The following SLC8A1 variants were observed in gnomAD, a reference collection of about 807,000 sequenced individuals.
SLC8A1 encodes solute carrier family 8 member A1.
Under a neutral mutation model 68.3 loss-of-function variants are expected in SLC8A1, and 18 were observed. The observed-to-expected ratio is 0.26, with a 90% CI of 0.18 to 0.39. The LOEUF (loss-of-function observed/expected upper bound fraction) is 0.39, where lower values mean the gene tolerates loss of function less well. Ranked by LOEUF, SLC8A1 falls within the 10% of genes least tolerant of loss-of-function variation. SLC8A1 has a pLI of 1.00. For synonymous variants in SLC8A1, 475 were observed against 415.5 expected, an observed-to-expected ratio of 1.14 and a Z score of -1.74; for missense variants, 985 against 1,156.7, an observed-to-expected ratio of 0.85 and a Z score of 2.15.
At chr2:40,262,777 A>G (rs2064875625) in intron 2 of SLC8A1, among the ~76,000 whole-genome samples, 1 of 152,202 alleles carries the variant, frequency 6.6e-6, no homozygotes, top group Non-Finnish European at 1.5e-5. Context: ...TAGCAATTCT[A>G]GGCCAGCTTG....
intron 3 of SLC8A1, among the ~76,000 whole-genome samples, 161 bp from the exon 5 acceptor site, chr2:40,175,003 C>T (rs1040684378): frequency 6.6e-6 from 1 of 152,064 alleles, no homozygotes; most frequent in East Asian, 1.9e-4. Flanking sequence ...ACTAATCGTT[C>T]TTTTAAGATT....
intron 1 of SLC8A1, among the ~76,000 whole-genome samples, chr2:40,448,132 C>T (rs1245488146): frequency 6.7e-6 from 1 of 149,718 alleles, no homozygotes; most frequent in Non-Finnish European, 1.5e-5. Flanking sequence ...GAAAATACAT[C>T]AGAAAATGGA....
chr2:40,143,895 A>C (rs865996832), intron 6 of SLC8A1, among the ~76,000 whole-genome samples: 1 of 152,190 alleles, frequency 6.6e-6, no homozygotes, highest in Non-Finnish European at 1.5e-5. Flanking sequence ...GTGGGTCAGA[A>C]GACTTAAGCC....
At chr2:40,331,326 T>C (rs928505108) in intron 2 of SLC8A1, among the ~76,000 whole-genome samples, 1 of 152,216 alleles carries the variant, frequency 6.6e-6, no homozygotes, top group African/African-American at 2.4e-5. Context: ...AACTTCATTT[T>C]CTACAGAATA....
At chr2:40,300,690 C>A (rs555354566) in intron 2 of SLC8A1, among the ~76,000 whole-genome samples, 2 of 152,072 alleles carry the variant, frequency 1.3e-5, no homozygotes, top group Non-Finnish European at 2.9e-5. Flanking sequence ...AGAAACCTAG[C>A]CCTTCTGGCC....
chr2:40,174,680 A>T, intron 4 of SLC8A1, 26 bp downstream of exon 6: 1 of 1,481,544 alleles, frequency 6.7e-7, no homozygotes, highest in Non-Finnish European at 9.3e-7. Context: ...GGGAAAAATA[A>T]GGAACATTAA....
intron 2 of SLC8A1, among the ~76,000 whole-genome samples, chr2:40,291,147 T>C (rs2069232419): frequency 6.6e-6 from 1 of 152,202 alleles, no homozygotes; most frequent in Admixed American, 6.5e-5. Context: ...CTTATCACAA[T>C]CTTTCTAAGA....
chr2:40,495,141 C>T (rs1482510948), intron 1 of SLC8A1, among the ~76,000 whole-genome samples: 1 of 151,900 alleles, frequency 6.6e-6, no homozygotes, highest in Non-Finnish European at 1.5e-5. Context: ...AAAGATGTCT[C>T]AGTTGATGCA....
At chr2:40,365,486 C>A (rs1425703957) in intron 2 of SLC8A1, among the ~76,000 whole-genome samples, 1 of 152,064 alleles carries the variant, frequency 6.6e-6, no homozygotes, top group Non-Finnish European at 1.5e-5. Flanking sequence ...ACCTAACAAT[C>A]TATACCTTCT....
At chr2:40,464,710 G>C (rs982083131) in intron 1 of SLC8A1, among the ~76,000 whole-genome samples, 2 of 152,148 alleles carry the variant, frequency 1.3e-5, no homozygotes, top group Non-Finnish European at 2.9e-5. Context: ...CATTGGAACT[G>C]CAGACCTGCC....
At chr2:40,440,526 G>T (rs1268705088) in intron 1 of SLC8A1, among the ~76,000 whole-genome samples, 1 of 152,004 alleles carries the variant, frequency 6.6e-6, no homozygotes, top group East Asian at 1.9e-4. Context: ...AAAGTGCGAG[G>T]CACTGGGGCT....
chr2:40,359,043 G>A (rs1239850143), intron 2 of SLC8A1, among the ~76,000 whole-genome samples: 1 of 152,072 alleles, frequency 6.6e-6, no homozygotes, highest in Non-Finnish European at 1.5e-5. Context: ...GGTGATTGGA[G>A]GAATGGAAAG....
At chr2:40,200,220 T>TATATATATAAA (rs1558722244) in intron 2 of SLC8A1, among the ~76,000 whole-genome samples, 1 of 3,650 alleles carries the variant, frequency 2.7e-4, no homozygotes, top group African/African-American at 6.1e-4. Context: ...ATATATATAT[T>TATATATATAAA]TTTTTATATA....
intron 2 of SLC8A1, among the ~76,000 whole-genome samples, chr2:40,394,198 C>G (rs1253732644): frequency 6.6e-6 from 1 of 151,946 alleles, no homozygotes; most frequent in Non-Finnish European, 1.5e-5. Context: ...GTTGAGAAAC[C>G]CTGCACTAAC....
chr2:40,258,099 C>A (rs1244601640), intron 2 of SLC8A1, among the ~76,000 whole-genome samples: 1 of 152,050 alleles, frequency 6.6e-6, no homozygotes, highest in East Asian at 1.9e-4. Flanking sequence ...TGTTATTATC[C>A]CCTGCACAGG....
chr2:40,151,268 C>T (rs1435863622), intron 6 of SLC8A1, among the ~76,000 whole-genome samples: 10 of 151,006 alleles, frequency 6.6e-5, no homozygotes, highest in South Asian at 2.1e-4. Flanking sequence ...GTGTATGGTG[C>T]GTGTGTGTGT....
At chr2:40,314,179 G>A (rs931093719) in intron 2 of SLC8A1, among the ~76,000 whole-genome samples, 1 of 151,966 alleles carries the variant, frequency 6.6e-6, no homozygotes, top group African/African-American at 2.4e-5. Context: ...TGTGCATATA[G>A]TGTGAAGTAA....
At chr2:40,489,396 T>C (rs1204777305) in intron 1 of SLC8A1, among the ~76,000 whole-genome samples, 1 of 151,966 alleles carries the variant, frequency 6.6e-6, no homozygotes, top group Admixed American at 6.6e-5. Context: ...ATATCAAAAA[T>C]AGACTCCACA....
chr2:40,103,939 C>G (rs2034047430), exon 8 of SLC8A1: 1 of 152,178 alleles, frequency 6.6e-6, no homozygotes, highest in African/African-American at 2.4e-5. Flanking sequence ...TGGATGATAA[C>G]AGGGAAACAC....
Sources: allele counts gnomAD v4.1 joint callset (sites outside exome capture counted in the v4.1 genomes callset), GRCh38; gene constraint gnomAD v4.1.1; transcripts MANE v1.5; gene names NCBI Gene and HGNC (gene_info 2026-07-23, HGNC 2026-07-21).